Variants in MIER2 observed in about 807,000 individuals in gnomAD.
The protein encoded by MIER2 is mesoderm induction early response protein 2.
In MIER2, 30 loss-of-function variants were observed where a neutral mutation model predicts 67.6. That is an observed-to-expected ratio of 0.44 (90% CI 0.33 to 0.60). The LOEUF is 0.60. MIER2 is among the 20% of genes least tolerant of loss of function. The probability of loss-of-function intolerance (pLI) is 0.02; values close to 1 mark genes in which losing one functional copy is unlikely to be tolerated. For synonymous variants in MIER2, 372 were observed against 312.6 expected (o/e 1.19, Z -2.00); for missense variants, 702 against 745.1 (o/e 0.94, Z 0.67).
intron 1 of MIER2, among the ~76,000 whole-genome samples, chr19:337,059 G>T (rs1026858283): frequency 4.6e-5 from 7 of 152,018 alleles, no homozygotes; most frequent in Non-Finnish European, 7.4e-5. Context: ...GCCCAGGCTG[G>T]TCTCAAACTC....
At chr19:312,101 C>T (rs1213294924) in intron 9 of MIER2, 90 bp downstream of exon 9, 18 of 1,227,260 alleles carry the variant, frequency 1.5e-5, no homozygotes, top group African/African-American at 9.0e-5. Flanking sequence ...AGGGCGGGGC[C>T]GCAGCGGAAG....
At chr19:317,203 G>A (rs8108171) in intron 7 of MIER2, among the ~76,000 whole-genome samples, 79,890 of 151,538 alleles carry the variant, frequency 0.53, 23,108 homozygotes, top group African/African-American at 0.76. Context: ...GACCATCCTG[G>A]CCAACATGGA....
In MIER2 at chr19:326,964, C is replaced by T. The variant is rs530080405; in HGVS notation, c.493+169G>A. The T allele has an allele frequency of 6.7e-6, 6 of 891,946 alleles. No individual in the cohort carries two copies. In the Admixed American group the frequency reaches 1.3e-4, roughly 19 times the overall value. The allele number at this position is 891,946 out of a possible 1,614,324, so 55.3% of individuals were successfully genotyped here. ...CTGAGAGTCCAGGCTCACTGGCCAG[C>T]GTGGAGGAGAACAAAGCACCCCCAG... On this transcript the variant is annotated intron_variant, in intron 5 of 13. Transcript: ENST00000264819.
intron 1 of MIER2, among the ~76,000 whole-genome samples, chr19:339,273 C>T (rs1381338791): frequency 1.3e-5 from 2 of 151,970 alleles, no homozygotes; most frequent in African/African-American, 4.8e-5. Flanking sequence ...AGAGAGAATC[C>T]CATTGAAAAA....
chr19:327,954 G>C lies in MIER2; in HGVS notation c.279C>G (p.Leu93=). The change falls in exon 4 of 14, where the codon CTC becomes CTG. Residue 93 remains leucine (L), a synonymous_variant. Transcript: ENST00000264819. The part of the protein sequence containing the change: ...NDMPFDELLA[L]YGYEASDPIS... Reference sequence around the variant, plus strand: ...TGGGGTCTGACGCCTCGTAGCCATAGAGCGCAAGCAGCTCATCAAAGGGCA... The same window carrying C: ...TGGGGTCTGACGCCTCGTAGCCATACAGCGCAAGCAGCTCATCAAAGGGCA... The C allele has an allele frequency of 2.5e-6, 4 of 1,613,098 alleles. No individual in the cohort carries two copies. Among genetic ancestry groups the C allele is most frequent in the African/African-American group, 1.3e-5 (1 of 74,944 alleles).
chr19:328,380 A>G (rs1237851161), intron 3 of MIER2, among the ~76,000 whole-genome samples: 2 of 151,976 alleles, frequency 1.3e-5, no homozygotes. Flanking sequence ...GAAAAAAGTT[A>G]TCTGAAAAAG....
At chr19:339,805 G>C (rs1469773577) in intron 1 of MIER2, among the ~76,000 whole-genome samples, 1 of 152,106 alleles carries the variant, frequency 6.6e-6, no homozygotes, top group African/African-American at 2.4e-5. Context: ...GGTGGAAAGG[G>C]GCTGGGAGTT....
At chr19:332,101 TA>T (rs1380805212) in intron 3 of MIER2, among the ~76,000 whole-genome samples, 6 of 152,158 alleles carry the variant, frequency 3.9e-5, no homozygotes, top group Admixed American at 2.0e-4. Flanking sequence ...TTTATTTTCA[TA>T]AAAATATTTA....
At chr19:327,042 G>T (rs1277114926) in intron 5 of MIER2, 91 bp downstream of exon 5, 3 of 1,485,644 alleles carry the variant, frequency 2.0e-6, no homozygotes, top group African/African-American at 2.9e-5. Context: ...TGAGTTCTTG[G>T]CCTGCATCAG....
At chr19:329,312 C>T (rs751747085) in intron 3 of MIER2, among the ~76,000 whole-genome samples, 4 of 152,196 alleles carry the variant, frequency 2.6e-5, no homozygotes, top group Non-Finnish European at 4.4e-5. Context: ...TCTGTATGTC[C>T]ATTACCTTCA....
intron 7 of MIER2, among the ~76,000 whole-genome samples, chr19:320,060 T>C (rs1233907846): frequency 6.6e-6 from 1 of 152,080 alleles, no homozygotes; most frequent in East Asian, 1.9e-4. Flanking sequence ...CATAAACTTG[T>C]TTCAGGTGTC....
intron 7 of MIER2, among the ~76,000 whole-genome samples, chr19:315,350 A>G (rs1204434800): frequency 6.6e-6 from 1 of 152,248 alleles, no homozygotes; most frequent in Non-Finnish European, 1.5e-5. Flanking sequence ...GGGCGAGAAG[A>G]GCGAGACTCC....
At chr19:336,026 T>C in intron 2 of MIER2, 57 bp downstream of exon 2, 1 of 1,540,424 alleles carries the variant, frequency 6.5e-7, no homozygotes, top group Non-Finnish European at 8.9e-7. Context: ...GCATTCTGTC[T>C]CTCACAGCCA....
Position 306,470 on chromosome 19 carries a change from C to T in MIER2, c.*220G>A, listed in dbSNP as rs1970653882. The T allele has an allele frequency of 3.1e-6, 2 of 651,396 alleles. No homozygotes were observed. Among genetic ancestry groups the T allele is most frequent in the Non-Finnish European group, 5.2e-6 (2 of 383,782 alleles). 40.4% of individuals were successfully genotyped at this position (651,396 alleles called of 1,614,324 possible). ...CCCGGACCCGGGTGGCAGTGCCGGG[C>T]GCTGACGGCGCTGGGTGGGGCCGTG... On this transcript the variant is annotated 3_prime_UTR_variant, in exon 14 of 14. Transcript: ENST00000264819.
intron 1 of MIER2, 164 bp from the exon 2 acceptor site, chr19:336,337 C>A (rs1972258230): frequency 1.6e-6 from 1 of 623,830 alleles, no homozygotes; most frequent in Non-Finnish European, 2.8e-6. Context: ...AGGAGCAGCA[C>A]ACGCATGTGG....
rs144360477 is a variant in MIER2, at chr19:336,140, C to A, written c.43G>T (p.Val15Phe). The A allele has an allele frequency of 1.2e-4, 191 of 1,613,602 alleles. 1 individual carries two copies. Among genetic ancestry groups the A allele is most frequent in the East Asian group, 1.1e-3 (51 of 44,876 alleles). ...CACAGGCTGTGCTCGAGGCAGGAGA[C>A]CACGCGAGGACTCTGCCTCCCCAGC... ...SSLGRQSPRV[V>F]SCLEHSLCPG... The change falls in exon 2 of 14, where the codon GTC (valine) becomes TTC (phenylalanine). Residue 15 changes from valine to phenylalanine, a missense_variant. Physicochemically the swap from Val to Phe is conservative, Grantham distance 50 (BLOSUM62 -1). Transcript: ENST00000264819.
intron 10 of MIER2, among the ~76,000 whole-genome samples, chr19:309,595 A>C (rs1194348575): frequency 7.4e-6 from 1 of 134,274 alleles, no homozygotes; most frequent in East Asian, 2.1e-4. Context: ...CACACACACA[A>C]GGCTTCAGGG....
At chr19:316,979 T>C (rs1971262149) in intron 7 of MIER2, among the ~76,000 whole-genome samples, 1 of 152,062 alleles carries the variant, frequency 6.6e-6, no homozygotes, top group Admixed American at 6.6e-5. Flanking sequence ...AAAAAAAATG[T>C]AGACTGTGAT....
intron 7 of MIER2, among the ~76,000 whole-genome samples, chr19:315,719 C>T (rs1479817154): frequency 6.6e-6 from 1 of 152,198 alleles, no homozygotes; most frequent in African/African-American, 2.4e-5. Context: ...GACAGTGAGG[C>T]AACCTCTAAG....
Sources: allele counts gnomAD v4.1 joint callset (sites outside exome capture counted in the v4.1 genomes callset), GRCh38; gene constraint gnomAD v4.1.1; transcripts MANE v1.5; gene names NCBI Gene and HGNC (gene_info 2026-07-23, HGNC 2026-07-21).